PXDNL: variants seen among roughly 807,000 people sequenced by gnomAD.
PXDNL encodes the protein peroxidasin like, also known as probable oxidoreductase PXDNL.
In PXDNL, 145 loss-of-function variants were observed where a neutral mutation model predicts 150.8. The ratio of observed to expected loss-of-function variants is 0.96; its 90% CI spans 0.84 to 1.10. PXDNL has a LOEUF of 1.10. Among genes scored for constraint, PXDNL ranks in the 50% least tolerant of loss-of-function variants. The pLI is 0.00. For missense variants in PXDNL, 2,087 were observed against 1,873.9 expected, an observed-to-expected ratio of 1.11 and a Z score of -2.10; for synonymous variants, 757 against 725.7, an observed-to-expected ratio of 1.04 and a Z score of -0.69.
Position 51,396,147 on chromosome 8 carries a change from G to C in PXDNL, c.3557+11920C>G, listed in dbSNP as rs76499810. On this transcript the variant is annotated intron_variant, in intron 17 of 22. Coordinates refer to ENST00000356297, the MANE Select transcript of PXDNL (RefSeq NM_144651.5). ...GCTTCAGCAGTCCACCTATGCCTGC[G>C]AGAAGAAAGGGATGGGCTAGACGGG... 2.3e-3 allele frequency among the ~76,000 whole-genome samples: 352 copies of C among 152,210 alleles called. 2 individuals carry two copies. Among genetic ancestry groups the C allele is most frequent in the African/African-American group, 8.1e-3 (336 of 41,448 alleles).
chr8:51,559,128 G>A (rs894108785), intron 3 of PXDNL, among the ~76,000 whole-genome samples: 4 of 152,038 alleles, frequency 2.6e-5, no homozygotes, highest in African/African-American at 9.6e-5. Flanking sequence ...GACCTAAAAG[G>A]ATATCTCAAA....
At chr8:51,436,673 C>T (rs1275110966) in intron 12 of PXDNL, among the ~76,000 whole-genome samples, 1 of 152,070 alleles carries the variant, frequency 6.6e-6, no homozygotes, top group Non-Finnish European at 1.5e-5. Flanking sequence ...CAATAATACC[C>T]AACCTATTAA....
intron 3 of PXDNL, among the ~76,000 whole-genome samples, chr8:51,571,738 A>G (rs1182742227): frequency 6.6e-6 from 1 of 151,900 alleles, no homozygotes; most frequent in Non-Finnish European, 1.5e-5. Context: ...TCAGTTATGG[A>G]ATGCTCAGAA....
At chr8:51,443,095 CA>C (rs1809590238) in intron 12 of PXDNL, among the ~76,000 whole-genome samples, 2 of 152,058 alleles carry the variant, frequency 1.3e-5, no homozygotes, top group African/African-American at 4.8e-5. Context: ...TGATCTCTGG[CA>C]ACTTGTTTTC....
chr8:51,586,549 A>G (rs1246877928), intron 3 of PXDNL, among the ~76,000 whole-genome samples: 2 of 152,208 alleles, frequency 1.3e-5, no homozygotes, highest in East Asian at 3.9e-4. Context: ...GAGAGATTTC[A>G]GACCTGGTGA....
chr8:51,376,721 CTCTCT>C (rs1027651705), intron 17 of PXDNL, among the ~76,000 whole-genome samples: 33 of 149,498 alleles, frequency 2.2e-4, no homozygotes, highest in African/African-American at 8.4e-4. Context: ...TTCTCTCTCT[CTCTCT>C]TTTTTTTTTT....
chr8:51,470,668 G>A (rs768369227), intron 8 of PXDNL, among the ~76,000 whole-genome samples: 2 of 151,930 alleles, frequency 1.3e-5, no homozygotes, highest in Admixed American at 6.6e-5. Context: ...CAGAGGCCTC[G>A]GAAATAGTGC....
intron 1 of PXDNL, among the ~76,000 whole-genome samples, chr8:51,803,333 C>A (rs1278826922): frequency 1.3e-5 from 2 of 152,162 alleles, no homozygotes; most frequent in Non-Finnish European, 2.9e-5. Context: ...TCTCAGCTCT[C>A]ACATCCTTCC....
At chr8:51,748,965 T>C (rs895394388) in intron 1 of PXDNL, among the ~76,000 whole-genome samples, 5 of 152,236 alleles carry the variant, frequency 3.3e-5, no homozygotes, top group Admixed American at 2.6e-4. Flanking sequence ...CTCCTTCAAG[T>C]TCCTTAGAGT....
intron 8 of PXDNL, among the ~76,000 whole-genome samples, chr8:51,465,637 T>C (rs748191784): frequency 2.0e-5 from 3 of 152,146 alleles, no homozygotes; most frequent in Non-Finnish European, 2.9e-5. Context: ...AATATGATTC[T>C]ATACCATGAA....
chr8:51,434,839 T>G (rs1357298825), intron 12 of PXDNL, among the ~76,000 whole-genome samples: 1 of 152,206 alleles, frequency 6.6e-6, no homozygotes, highest in Non-Finnish European at 1.5e-5. Context: ...TATCTTGATT[T>G]TAGCATTCTA....
chr8:51,331,865 C>T (rs750256578), intron 21 of PXDNL, among the ~76,000 whole-genome samples: 3 of 152,118 alleles, frequency 2.0e-5, no homozygotes, highest in Non-Finnish European at 4.4e-5. Context: ...AGCTCACACA[C>T]GCCTAGCCCG....
intron 2 of PXDNL, among the ~76,000 whole-genome samples, chr8:51,637,286 C>T (rs1197412637): frequency 6.6e-6 from 1 of 152,128 alleles, no homozygotes. Context: ...GTCTAAAAAT[C>T]AGAGTGCCTC....
At chr8:51,390,280 G>A (rs1280101399) in intron 17 of PXDNL, among the ~76,000 whole-genome samples, 1 of 152,132 alleles carries the variant, frequency 6.6e-6, no homozygotes, top group Non-Finnish European at 1.5e-5. Flanking sequence ...TATTTGCAAA[G>A]GAGAATATTT....
rs1809743356 is a variant in PXDNL, at chr8:51,448,938, T to C, written c.1366+64A>G. 6 of 812,216 alleles carry C rather than the reference T, an allele frequency of 7.4e-6. No homozygotes were observed. In the East Asian group the frequency reaches 1.6e-4, roughly 22 times the overall value. 50.3% of individuals were successfully genotyped at this position (812,216 alleles called of 1,614,324 possible). A position where few individuals can be genotyped will look rare whatever the true frequency, so the allele number is the denominator to read the frequency against. On this transcript the variant is annotated intron_variant, in intron 11 of 22. Transcript: ENST00000356297. ...TTCGATAATTAATTTAAACTATTTT[T>C]TTTTACTATCCACAAAAGAAGGCAC...
chr8:51,331,118 G>A (rs1369326875), intron 21 of PXDNL, among the ~76,000 whole-genome samples: 1 of 152,178 alleles, frequency 6.6e-6, no homozygotes, highest in Non-Finnish European at 1.5e-5. Context: ...GACTGCTCCT[G>A]CAGGACCCAG....
At chr8:51,452,326 A>G (rs1809824851) in intron 10 of PXDNL, among the ~76,000 whole-genome samples, 1 of 152,244 alleles carries the variant, frequency 6.6e-6, no homozygotes, top group African/African-American at 2.4e-5. Context: ...AGAAGTTACC[A>G]AAGACCTCAA....
chr8:51,614,376 T>A (rs1433979220), intron 2 of PXDNL, among the ~76,000 whole-genome samples: 3 of 152,236 alleles, frequency 2.0e-5, no homozygotes, highest in Admixed American at 6.5e-5. Flanking sequence ...CAGCTGAGTC[T>A]CAGCCAATTG....
At chr8:51,577,172 A>G (rs1813074028) in intron 3 of PXDNL, among the ~76,000 whole-genome samples, 1 of 151,890 alleles carries the variant, frequency 6.6e-6, no homozygotes. Context: ...ATGCGATACC[A>G]AAACCTGAGA....
Sources: allele counts gnomAD v4.1 joint callset (sites outside exome capture counted in the v4.1 genomes callset), GRCh38; gene constraint gnomAD v4.1.1; transcripts MANE v1.5; gene names NCBI Gene and HGNC (gene_info 2026-07-23, HGNC 2026-07-21).